Variants in ASS1 observed in about 807,000 individuals in gnomAD.
ASS1 encodes the protein argininosuccinate synthase 1.
Under a neutral mutation model 60.5 loss-of-function variants are expected in ASS1, and 58 were observed. The ratio of observed to expected loss-of-function variants is 0.96; its 90% CI spans 0.78 to 1.19. ASS1 has a LOEUF of 1.19. Among genes scored for constraint, ASS1 ranks in the 50% most tolerant of loss-of-function variants. ASS1 has a pLI of 0.00. For missense variants in ASS1, 454 were observed against 547.3 expected (o/e 0.83, Z 1.70); for synonymous variants, 200 against 206.9 (o/e 0.97, Z 0.29).
At chr9:130,449,426 G>C (rs1012736242) in intron 1 of ASS1, among the ~76,000 whole-genome samples, 13 of 151,540 alleles carry the variant, frequency 8.6e-5, no homozygotes, top group Non-Finnish European at 1.6e-4. Flanking sequence ...TGATCCAGCT[G>C]TTTCTGTGGA....
intron 11 of ASS1, 87 bp downstream of exon 11, chr9:130,480,536 T>A: frequency 7.0e-7 from 1 of 1,436,204 alleles, no homozygotes; most frequent in Non-Finnish European, 9.6e-7. Context: ...TGGACGCTAC[T>A]ACCCCCATGC....
At chr9:130,466,376 G>A in intron 5 of ASS1, 1 of 382,418 alleles carries the variant, frequency 2.6e-6, no homozygotes, top group Admixed American at 3.8e-5. Flanking sequence ...GGTCACGGCA[G>A]TGGCCCTGTG....
In ASS1 at chr9:130,476,787, G is replaced by A. The variant is rs542166360; in HGVS notation, c.598-84G>A. Reference sequence around the variant, plus strand: ...TGGTGGGGAAATGGACAGAGGAGAGGGGTGCAGATCCCCGCGGGAGGTGGG... The same window carrying A: ...TGGTGGGGAAATGGACAGAGGAGAGAGGTGCAGATCCCCGCGGGAGGTGGG... On this transcript the variant is annotated intron_variant, in intron 8 of 14. Coordinates refer to ENST00000352480, the MANE Select transcript of ASS1 (RefSeq NM_054012.4). This position sits in a 1 kb window ranked among gnomAD's most constrained non-coding sequence, Gnocchi z 4.9. The A allele has an allele frequency of 3.3e-5, 42 of 1,259,072 alleles. No individual in the cohort carries two copies. The highest frequency in any genetic ancestry group is 2.8e-4 in the East Asian group (12 of 43,270). 78.0% of individuals were successfully genotyped at this position (1,259,072 alleles called of 1,614,324 possible).
chr9:130,490,068 C>T (rs1352074968), intron 12 of ASS1, among the ~76,000 whole-genome samples: 1 of 152,250 alleles, frequency 6.6e-6, no homozygotes, highest in African/African-American at 2.4e-5. Context: ...AGCCCTGTCA[C>T]ACACCCAGCC....
chr9:130,479,407 G>A (rs1005735671), intron 9 of ASS1, among the ~76,000 whole-genome samples: 15 of 152,138 alleles, frequency 9.9e-5, no homozygotes, highest in East Asian at 1.9e-4. Flanking sequence ...ATGGTGGAGC[G>A]TGAAATTCAA....
Position 130,476,641 on chromosome 9 carries a change from G to T in ASS1, c.598-230G>T. On this transcript the variant is annotated intron_variant, in intron 8 of 14. Transcript: ENST00000352480. The surrounding 1 kb of genome is among the most constrained non-coding windows in gnomAD (Gnocchi z 4.9). ...GTGGGGGCGTCGAAGAAAAAGATGA[G>T]ATCAAGTTGAGGGGAAAAATTGTCT... 1 of 600,008 alleles carries T rather than the reference G, an allele frequency of 1.7e-6. No homozygotes were observed. Among genetic ancestry groups the T allele is most frequent in the South Asian group, 2.0e-5 (1 of 50,656 alleles). 37.2% of individuals were successfully genotyped at this position (600,008 alleles called of 1,614,324 possible). A position where few individuals can be genotyped will look rare whatever the true frequency, so the allele number is the denominator to read the frequency against.
In ASS1 at chr9:130,499,550, C is replaced by A. The variant is rs1554725724; in HGVS notation, c.1173C>A (p.Phe391Leu). 4 of 1,613,622 alleles carry A rather than the reference C, an allele frequency of 2.5e-6. No homozygotes were observed. The highest frequency in any genetic ancestry group is 3.3e-5 in the Admixed American group (2 of 59,960). Residue 391 changes from phenylalanine to leucine, a missense_variant, in exon 14 of 15, where the codon TTC (phenylalanine) becomes TTA (leucine). Physicochemically the swap from Phe to Leu is conservative, Grantham distance 22. Coordinates refer to ENST00000352480, the MANE Select transcript of ASS1 (RefSeq NM_054012.4). ...GDYEPTDATG[F>L]ININSLRLKE... ...ATGAGCCAACTGATGCCACCGGGTT[C>A]ATCAACATCAATTCCCTCAGGTGAG...
chr9:130,472,660 G>A (rs897994329), intron 8 of ASS1, among the ~76,000 whole-genome samples: 3 of 152,204 alleles, frequency 2.0e-5, no homozygotes, highest in African/African-American at 7.2e-5. Flanking sequence ...CCTGGGGGCT[G>A]ATGGCCCCTG....
chr9:130,453,916 G>A (rs1289082898), intron 2 of ASS1, among the ~76,000 whole-genome samples: 1 of 152,248 alleles, frequency 6.6e-6, no homozygotes, highest in East Asian at 1.9e-4. Flanking sequence ...TGGAGGCTAG[G>A]AAGGCCCTGA....
intron 11 of ASS1, among the ~76,000 whole-genome samples, chr9:130,480,797 G>T (rs1312468157): frequency 1.3e-5 from 2 of 152,198 alleles, no homozygotes; most frequent in Non-Finnish European, 2.9e-5. Context: ...GACCGTGCAG[G>T]CCCGATTTCG....
In ASS1 at chr9:130,494,734, C is replaced by G. The variant is rs560183678; in HGVS notation, c.971-133C>G. 17 of 1,182,638 alleles carry G rather than the reference C, an allele frequency of 1.4e-5. No individual in the cohort carries two copies. The highest frequency in any genetic ancestry group is 2.1e-5 in the Non-Finnish European group (17 of 812,802). 73.3% of individuals were successfully genotyped at this position (1,182,638 alleles called of 1,614,324 possible). ...CAGCCACTGGCAAGCGCACATTGTGCCAGTCTCGCGGGAGGCAGTCATGGT... is the reference window on the plus strand; with the variant it reads ...CAGCCACTGGCAAGCGCACATTGTGGCAGTCTCGCGGGAGGCAGTCATGGT... On this transcript the variant is annotated intron_variant, in intron 12 of 14. Transcript: ENST00000352480. The surrounding 1 kb of genome is among the most constrained non-coding windows in gnomAD (Gnocchi z 4.3).
chr9:130,499,586 C>A lies in ASS1; in HGVS notation c.1193+16C>A. 1 of 1,609,986 alleles carries A rather than the reference C, an allele frequency of 6.2e-7. No individual in the cohort carries two copies. The highest frequency in any genetic ancestry group is 8.5e-7 in the Non-Finnish European group (1 of 1,177,722). On this transcript the variant is annotated intron_variant, in intron 14 of 14. Transcript: ENST00000352480. Reference sequence around the variant, plus strand: ...ATTCCCTCAGGTGAGAAGCTCAGGGCCCTGACGGGCCTTCAGAGCCTCCAG... The same window carrying A: ...ATTCCCTCAGGTGAGAAGCTCAGGGACCTGACGGGCCTTCAGAGCCTCCAG...
intron 14 of ASS1, among the ~76,000 whole-genome samples, 196 bp downstream of exon 14, chr9:130,499,766 A>G (rs1029808777): frequency 2.0e-5 from 3 of 152,146 alleles, no homozygotes; most frequent in Non-Finnish European, 4.4e-5. Context: ...TTGATAGCCG[A>G]CAGTAACAGA....
chr9:130,487,275 C>T (rs1846323668), intron 11 of ASS1, among the ~76,000 whole-genome samples: 3 of 152,172 alleles, frequency 2.0e-5, no homozygotes, highest in Admixed American at 2.0e-4. Flanking sequence ...GATTCTAAGA[C>T]TTAAAGATCA....
intron 3 of ASS1, among the ~76,000 whole-genome samples, chr9:130,457,379 G>A (rs938412057): frequency 2.6e-5 from 4 of 152,156 alleles, no homozygotes; most frequent in Non-Finnish European, 5.9e-5. Flanking sequence ...GCTGAGGTGG[G>A]AGGATTGCTT....
In ASS1 at chr9:130,501,068, C is replaced by T. The variant is rs372162973; in HGVS notation, c.*47C>T. On this transcript the variant is annotated 3_prime_UTR_variant, in exon 15 of 15. Transcript: ENST00000352480. ...GGGGCCTCCTCAATTTGCAGATCCC[C>T]CAAGTACAGGCGCTAATTGTTGTGA... 1.9e-6 allele frequency: 3 copies of T among 1,556,866 alleles called. No individual in the cohort carries two copies. The highest frequency in any genetic ancestry group is 1.8e-4 in the Middle Eastern group (1 of 5,412).
At chr9:130,495,049 C>A (rs1177525986) in intron 13 of ASS1, 26 bp downstream of exon 13, 10 of 1,593,786 alleles carry the variant, frequency 6.3e-6, no homozygotes, top group Non-Finnish European at 7.7e-6. Flanking sequence ...CTCATTCTGA[C>A]CCCCACTTGG....
rs1845632145 is a variant in ASS1 at position 130,462,750 on chromosome 9, C to A, written c.364-1361C>A. ...GGGGTCAGCAGGCAAATGTGGCCGC[C>A]CCCACCTCAGTGTCCTCATCCGTAA... On this transcript the variant is annotated intron_variant, in intron 4 of 14. Transcript: ENST00000352480. Among the ~76,000 whole-genome samples, 7 of 152,124 alleles carry A rather than the reference C, an allele frequency of 4.6e-5. 1 individual carries two copies. Among genetic ancestry groups the A allele is most frequent in the Admixed American group, 4.6e-4 (7 of 15,266 alleles).
chr9:130,489,429 G>A lies in ASS1; in HGVS notation c.935G>A (p.Gly312Asp). ...MDREVRKIKQ[G>D]LGLKFAELVY... ...CGGGAAGTGCGCAAAATCAAACAAG[G>A]CCTGGGCTTGAAATTTGCTGAGCTG... The change falls in exon 12 of 15, where the codon GGC becomes GAC. Residue 312 changes from glycine to aspartate, a missense_variant. Physicochemically the swap from Gly to Asp is moderately conservative, Grantham distance 94. Transcript: ENST00000352480. The surrounding 1 kb of genome is among the most constrained non-coding windows in gnomAD (Gnocchi z 4.1). The A allele has an allele frequency of 6.2e-7, 1 of 1,614,052 alleles. No individual in the cohort carries two copies. The highest frequency in any genetic ancestry group is 8.5e-7 in the Non-Finnish European group (1 of 1,180,020).
Sources: gnomAD v4.1 joint callset for allele counts (sites outside exome capture counted in the v4.1 genomes callset) on GRCh38, gnomAD v4.1.1 for gene constraint, Gnocchi (gnomAD v3.1) non-coding constraint, MANE v1.5 for transcripts, NCBI Gene and HGNC (gene_info 2026-07-23, HGNC 2026-07-21) for gene names.